The following GLE1 variants were observed in gnomAD, a reference collection of about 807,000 sequenced individuals.
GLE1 encodes GLE1 RNA export mediator.
GLE1 carries 78 observed loss-of-function variants against 97.3 expected under a neutral mutation model. The ratio of observed to expected loss-of-function variants is 0.80; its 90% CI spans 0.67 to 0.97. The LOEUF is 0.97. GLE1 is among the 50% of genes least tolerant of loss of function. GLE1 has a pLI of 0.00. For synonymous variants in GLE1, 302 were observed against 313.4 expected, an observed-to-expected ratio of 0.96 and a Z score of 0.39; for missense variants, 753 against 857.5, an observed-to-expected ratio of 0.88 and a Z score of 1.52.
chr9:128,522,995 C>A (rs1847198322), intron 4 of GLE1, among the ~76,000 whole-genome samples, 179 bp downstream of exon 4: 1 of 152,012 alleles, frequency 6.6e-6, no homozygotes, highest in Non-Finnish European at 1.5e-5. Flanking sequence ...ACCAAAGGAA[C>A]ACAAAGAGGG....
At chr9:128,525,575 GA>G in intron 7 of GLE1, 152 bp downstream of exon 7, 1 of 674,442 alleles carries the variant, frequency 1.5e-6, no homozygotes, top group Admixed American at 2.2e-5. Context: ...TGTAGAGTCT[GA>G]TTTACGATTC....
chr9:128,529,361 G>A (rs545758223), intron 9 of GLE1, among the ~76,000 whole-genome samples: 12 of 152,278 alleles, frequency 7.9e-5, no homozygotes, highest in Middle Eastern at 3.4e-3. Context: ...TGGATGAGGC[G>A]TCCTTGCTGC....
chr9:128,523,205 G>A (rs983753478), intron 4 of GLE1, 75 bp from the exon 5 acceptor site: 6 of 1,075,994 alleles, frequency 5.6e-6, no homozygotes, highest in South Asian at 2.5e-5. Flanking sequence ...GGCAGGGAGA[G>A]GGAGAGAAAA....
At chr9:128,531,212 C>T (rs1010181724) in intron 9 of GLE1, among the ~76,000 whole-genome samples, 17 of 120,480 alleles carry the variant, frequency 1.4e-4, no homozygotes, top group Non-Finnish European at 2.2e-4. Context: ...AAAACTCCAT[C>T]TCAAAAAAAA....
intron 13 of GLE1, 56 bp downstream of exon 13, chr9:128,538,146 C>T (rs1344312553): frequency 1.5e-5 from 13 of 888,548 alleles, no homozygotes; most frequent in Non-Finnish European, 1.3e-5. Context: ...AGCCTTGATC[C>T]ACTGGGTGAC....
intron 3 of GLE1, among the ~76,000 whole-genome samples, chr9:128,517,032 G>A (rs1012780719): frequency 2.0e-5 from 3 of 151,894 alleles, no homozygotes; most frequent in African/African-American, 4.8e-5. Flanking sequence ...GCTCATGCCC[G>A]TAATCCCAGC....
chr9:128,511,086 C>T (rs958123909), intron 2 of GLE1, among the ~76,000 whole-genome samples: 4 of 151,114 alleles, frequency 2.6e-5, no homozygotes, highest in South Asian at 2.1e-4. Context: ...CGCCTGTAAT[C>T]CCATCTACTT....
Position 128,538,019 on chromosome 9 carries a change from T to C in GLE1, c.1810T>C (p.Trp604Arg), listed in dbSNP as rs754304630. The change falls in exon 13 of 16, where the codon TGG becomes CGG. Residue 604 changes from tryptophan (W) to arginine (R), a missense_variant. Trp to Arg is a moderately radical substitution (Grantham distance 101). Coordinates refer to ENST00000309971, the MANE Select transcript of GLE1 (RefSeq NM_001003722.2). ...HPHGLNHGWR[W>R]LAQILNMEPL... ...TCATGGCTTAAATCATGGATGGCGC[T>C]GGTTGGCACAGATCTTAAACATGGA... 1 of 1,612,468 alleles carries C rather than the reference T, an allele frequency of 6.2e-7. No homozygotes were observed. The highest frequency in any genetic ancestry group is 8.5e-7 in the Non-Finnish European group (1 of 1,178,476).
In GLE1 at chr9:128,522,809, G is replaced by T; in HGVS notation, c.574G>T (p.Glu192Ter). ...KEFQDLREVM[E>*]KSSREALGHQ... The stretch of plus-strand genomic sequence containing the variant: ...ATTCCAGGACTTGCGGGAAGTAATG[G>T]AGAAGAGGTGAGTCTCCCTGAATTA... Residue 192 changes from glutamate to a stop codon, truncating the protein, a stop_gained, in exon 4 of 16, where the codon GAG becomes TAG. Coordinates refer to ENST00000309971, the MANE Select transcript of GLE1 (RefSeq NM_001003722.2). LOFTEE classifies it high-confidence loss of function. 6.2e-7 allele frequency: 1 copy of T among 1,614,040 alleles called. No individual in the cohort carries two copies. The highest frequency in any genetic ancestry group is 8.5e-7 in the Non-Finnish European group (1 of 1,179,952).
chr9:128,522,566 G>A (rs1847180112), intron 3 of GLE1, 102 bp from the exon 4 acceptor site: 4 of 1,296,084 alleles, frequency 3.1e-6, no homozygotes, highest in Non-Finnish European at 4.2e-6. Context: ...GACAAGAATC[G>A]CTTGAACCCG....
intron 7 of GLE1, among the ~76,000 whole-genome samples, chr9:128,526,267 G>A (rs1264922607): frequency 9.9e-5 from 15 of 151,866 alleles, no homozygotes; most frequent in African/African-American, 1.5e-4. Flanking sequence ...TGATCCACCC[G>A]CCTCGGCCTC....
intron 1 of GLE1, among the ~76,000 whole-genome samples, chr9:128,505,259 AC>A (rs1458539286): frequency 5.3e-5 from 8 of 152,176 alleles, no homozygotes; most frequent in Admixed American, 4.6e-4. Flanking sequence ...TTTGCGACGA[AC>A]GATTGACACG....
chr9:128,525,694 G>A (rs149198187), intron 7 of GLE1, among the ~76,000 whole-genome samples: 1 of 152,246 alleles, frequency 6.6e-6, no homozygotes, highest in Non-Finnish European at 1.5e-5. Flanking sequence ...ATATGTGTTG[G>A]TGTAATACGT....
intron 3 of GLE1, among the ~76,000 whole-genome samples, chr9:128,522,178 A>G (rs144592535): frequency 4.4e-4 from 67 of 152,314 alleles, no homozygotes; most frequent in East Asian, 4.1e-3. Context: ...CATAAACCAT[A>G]TGGGGCAATT....
At chr9:128,527,834 C>G (rs1009230616) in intron 9 of GLE1, among the ~76,000 whole-genome samples, 4 of 151,256 alleles carry the variant, frequency 2.6e-5, no homozygotes, top group African/African-American at 7.3e-5. Context: ...TGTGGTGGCT[C>G]TCACCTATAA....
chr9:128,508,392 G>A (rs1846705565), intron 1 of GLE1, among the ~76,000 whole-genome samples: 1 of 152,122 alleles, frequency 6.6e-6, no homozygotes, highest in Non-Finnish European at 1.5e-5. Context: ...GTAACAGAGT[G>A]AGACCCTGTC....
At chr9:128,510,132 A>G (rs907151350) in intron 2 of GLE1, among the ~76,000 whole-genome samples, 1 of 151,958 alleles carries the variant, frequency 6.6e-6, no homozygotes, top group Non-Finnish European at 1.5e-5. Flanking sequence ...AACATGGCTC[A>G]CTGCAGCCTC....
intron 12 of GLE1, chr9:128,537,055 T>TAAAATA (rs1847733088): frequency 6.4e-6 from 1 of 156,870 alleles, no homozygotes; most frequent in African/African-American, 2.4e-5. Context: ...ATAAATAAAA[T>TAAAATA]GTCAATAAGG....
intron 3 of GLE1, among the ~76,000 whole-genome samples, chr9:128,517,245 G>A (rs1847015944): frequency 6.6e-6 from 1 of 151,660 alleles, no homozygotes; most frequent in South Asian, 2.1e-4. Context: ...AGCCAAGATT[G>A]TGCCACTGCA....
Sources: allele counts gnomAD v4.1 joint callset (sites outside exome capture counted in the v4.1 genomes callset), GRCh38; gene constraint gnomAD v4.1.1; transcripts MANE v1.5; gene names NCBI Gene and HGNC (gene_info 2026-07-23, HGNC 2026-07-21).